Variants in CBX7 observed in about 807,000 individuals in gnomAD.
CBX7 encodes the protein chromobox 7.
CBX7 carries 14 observed loss-of-function variants against 31.4 expected under a neutral mutation model. The ratio of observed to expected loss-of-function variants is 0.45; its 90% CI spans 0.29 to 0.70. CBX7 has a LOEUF of 0.70. Ranked by LOEUF, CBX7 falls within the 30% of genes least tolerant of loss-of-function variation. The probability of loss-of-function intolerance (pLI) is 0.11; values close to 1 mark genes in which losing one functional copy is unlikely to be tolerated. For synonymous variants in CBX7, 159 were observed against 152.6 expected, an observed-to-expected ratio of 1.04 and a Z score of -0.31; for missense variants, 269 against 351.9, an observed-to-expected ratio of 0.76 and a Z score of 1.89.
At position 39,134,136 on chromosome 22, in the gene CBX7, CCTCT is replaced by C. The variant is rs569923650; in HGVS notation, c.599-92_599-89del. On this transcript the variant is annotated intron_variant, in intron 5 of 5. Transcript: ENST00000216133. ...CAACCCGACCCCAACTCCAGCTCCTCCTCTCTGTGTCTTCAGTCAGCTCAGGGCC... is the reference window on the plus strand; with the variant it reads ...CAACCCGACCCCAACTCCAGCTCCTCCTGTGTCTTCAGTCAGCTCAGGGCC... 2.3e-5 allele frequency: 31 copies of C among 1,347,216 alleles called. No individual in the cohort carries two copies. The East Asian group carries it at 5.8e-4, about 25-fold the overall frequency. The allele number at this position is 1,347,216 out of a possible 1,614,324, so 83.5% of individuals were successfully genotyped here. A position where few individuals can be genotyped will look rare whatever the true frequency, so the allele number is the denominator to read the frequency against.
Position 39,152,388 on chromosome 22 carries a change from C to G in CBX7, c.57G>C (p.Lys19Asn), listed in dbSNP as rs760001927. The G allele has an allele frequency of 7.2e-7, 1 of 1,398,594 alleles. No homozygotes were observed. Among genetic ancestry groups the G allele is most frequent in the Admixed American group, 2.5e-5 (1 of 40,468 alleles). The allele number at this position is 1,398,594 out of a possible 1,614,324, so 86.6% of individuals were successfully genotyped here. Reference sequence around the variant, plus strand: ...CGGGCAGCCTCACCTTCCGCACGCGCTTCTTCCGGATGCTCTCCACGGCGA... The same window carrying G: ...CGGGCAGCCTCACCTTCCGCACGCGGTTCTTCCGGATGCTCTCCACGGCGA... ...QVFAVESIRK[K>N]RVRKGKVEYL... Residue 19 changes from lysine to asparagine, a missense_variant, in exon 1 of 6, where the codon AAG becomes AAC. Around this residue, in one of 2 missense-constraint regions of CBX7, gnomAD observed 47 missense variants for 111.5 expected, o/e 0.42. Transcript: ENST00000216133. The surrounding 1 kb of genome is among the most constrained non-coding windows in gnomAD (Gnocchi z 4.9).
intron 3 of CBX7, among the ~76,000 whole-genome samples, 169 bp from the exon 4 acceptor site, chr22:39,138,871 A>G (rs1209086648): frequency 6.6e-6 from 1 of 152,228 alleles, no homozygotes; most frequent in African/African-American, 2.4e-5. Context: ...CAACGGGGTC[A>G]GATGTTCAAC....
intron 4 of CBX7, 98 bp downstream of exon 4, chr22:39,138,538 C>G (rs1393102920): frequency 4.4e-6 from 5 of 1,142,802 alleles, no homozygotes; most frequent in South Asian, 1.2e-5. Flanking sequence ...CGAGGGGACA[C>G]AGATCAGCTC....
At chr22:39,151,844 G>A in intron 1 of CBX7, among the ~76,000 whole-genome samples, 1 of 149,880 alleles carries the variant, frequency 6.7e-6, no homozygotes, top group Non-Finnish European at 1.5e-5. Context: ...GCTAGGAGTT[G>A]AGGTGGGGGT....
chr22:39,138,816 C>A (rs775286651), intron 3 of CBX7, 114 bp from the exon 4 acceptor site: 3 of 907,664 alleles, frequency 3.3e-6, no homozygotes, highest in Non-Finnish European at 5.4e-6. Flanking sequence ...ACACTCCCCA[C>A]AGGCCTGCCC....
intron 2 of CBX7, chr22:39,148,015 G>A (rs1467956899): frequency 6.6e-6 from 1 of 152,266 alleles, no homozygotes; most frequent in East Asian, 1.9e-4. Flanking sequence ...TGCAAAGGAG[G>A]CTTCACCATC....
intron 2 of CBX7, among the ~76,000 whole-genome samples, chr22:39,144,162 G>A (rs1281244880): frequency 1.3e-5 from 2 of 152,186 alleles, no homozygotes; most frequent in African/African-American, 2.4e-5. Flanking sequence ...GCTGCCCAAC[G>A]ACAGAATGCT....
chr22:39,144,798 G>A (rs62228283), intron 2 of CBX7, among the ~76,000 whole-genome samples: 2,754 of 152,318 alleles, frequency 0.018, 41 homozygotes, highest in Non-Finnish European at 0.031. Context: ...CAAGAATAAT[G>A]ACCACTACAG....
intron 3 of CBX7, among the ~76,000 whole-genome samples, chr22:39,140,794 C>T (rs1415702927): frequency 6.6e-6 from 1 of 152,190 alleles, no homozygotes; most frequent in East Asian, 1.9e-4. Flanking sequence ...CCTGAGGGGC[C>T]CTGGCAGAGG....
chr22:39,142,052 A>T (rs1488655362), intron 2 of CBX7, among the ~76,000 whole-genome samples: 2 of 152,120 alleles, frequency 1.3e-5, no homozygotes, highest in East Asian at 3.9e-4. Flanking sequence ...CAGGCAAGAG[A>T]GGATGAAAAG....
intron 2 of CBX7, chr22:39,147,086 C>CTTTTTTTTTT (rs34901545): frequency 3.2e-5 from 2 of 62,340 alleles, no homozygotes; most frequent in African/African-American, 7.7e-5. Context: ...AAAGTGTCCA[C>CTTTTTTTTTT]TTTTTTTTTT....
intron 2 of CBX7, chr22:39,148,719 G>A (rs2146371698): frequency 6.6e-6 from 1 of 152,548 alleles, no homozygotes; most frequent in Non-Finnish European, 1.5e-5. Flanking sequence ...AGGTCACCCA[G>A]AACATGTGCC....
At chr22:39,135,625 C>T (rs1300122906) in intron 4 of CBX7, 1 of 152,264 alleles carries the variant, frequency 6.6e-6, no homozygotes, top group Non-Finnish European at 1.5e-5. Context: ...AGGTCCCACT[C>T]ACAGTCGTGC....
chr22:39,137,072 A>G (rs971724450), intron 4 of CBX7, among the ~76,000 whole-genome samples: 4 of 152,220 alleles, frequency 2.6e-5, no homozygotes, highest in Admixed American at 2.6e-4. Context: ...GAGAGCGGGT[A>G]TTCTCTTCAT....
At position 39,152,469 on chromosome 22, in the gene CBX7, GGGGCCGGGCC is replaced by G. The variant is rs908193439; in HGVS notation, c.-35_-26del. 5 of 1,085,914 alleles carry G rather than the reference GGGGCCGGGCC, an allele frequency of 4.6e-6. No homozygotes were observed. The highest frequency in any genetic ancestry group is 5.6e-6 in the Non-Finnish European group (5 of 890,962). The allele number at this position is 1,085,914 out of a possible 1,614,324, so 67.3% of individuals were successfully genotyped here. On this transcript the variant is annotated 5_prime_UTR_variant, in exon 1 of 6. Coordinates refer to ENST00000216133, the MANE Select transcript of CBX7 (RefSeq NM_175709.5). This position sits in a 1 kb window ranked among gnomAD's most constrained non-coding sequence, Gnocchi z 4.9. ...TGCGGGGCGGCGGGCGAGCGGGCCCGGGGCCGGGCCGGGCCGGGGGCGGAGCTGCGGGGCC... is the reference window on the plus strand; with the variant it reads ...TGCGGGGCGGCGGGCGAGCGGGCCCGGGGCCGGGGGCGGAGCTGCGGGGCC...
chr22:39,131,485 T>G lies in CBX7; in HGVS notation c.*2406A>C, dbSNP rs1283235541. 2 of 152,468 alleles carry G rather than the reference T, an allele frequency of 1.3e-5. No individual in the cohort carries two copies. The highest frequency in any genetic ancestry group is 1.9e-4 in the East Asian group (1 of 5,162). The allele number at this position is 152,468 out of a possible 1,614,324, so 9.4% of individuals were successfully genotyped here. On this transcript the variant is annotated 3_prime_UTR_variant, in exon 6 of 6. Coordinates refer to ENST00000216133, the MANE Select transcript of CBX7 (RefSeq NM_175709.5). ...AGAGGTCACCTGTCCTGGAGGATGGTCCTAACGGCCCACAGCCTTTTCCCC... is the reference window on the plus strand; with the variant it reads ...AGAGGTCACCTGTCCTGGAGGATGGGCCTAACGGCCCACAGCCTTTTCCCC...
intron 4 of CBX7, 177 bp from the exon 5 acceptor site, chr22:39,134,929 C>T (rs577401306): frequency 9.3e-5 from 54 of 578,156 alleles, no homozygotes; most frequent in African/African-American, 8.3e-4. Flanking sequence ...GAGTGCGCCC[C>T]GGGCAACCCC....
chr22:39,137,974 G>A (rs1017461371), intron 4 of CBX7, among the ~76,000 whole-genome samples: 1 of 152,088 alleles, frequency 6.6e-6, no homozygotes, highest in Non-Finnish European at 1.5e-5. Context: ...GAGGTCAGGA[G>A]ATCGAGACCA....
At chr22:39,138,035 G>T (rs946913232) in intron 4 of CBX7, among the ~76,000 whole-genome samples, 23 of 152,070 alleles carry the variant, frequency 1.5e-4, no homozygotes, top group Non-Finnish European at 2.6e-4. Context: ...CAAAAATTTA[G>T]CCAGGCGTGG....
Sources: gnomAD v4.1 joint callset for allele counts (sites outside exome capture counted in the v4.1 genomes callset) on GRCh38, gnomAD v4.1.1 for gene constraint, gnomAD v4.1.1 regional missense constraint, Gnocchi (gnomAD v3.1) non-coding constraint, MANE v1.5 for transcripts, NCBI Gene and HGNC (gene_info 2026-07-23, HGNC 2026-07-21) for gene names.